Variants in OTUD7A observed in about 807,000 individuals in gnomAD.
OTUD7A encodes OTU deubiquitinase 7A, also known as OTU domain-containing protein 7A.
In OTUD7A, 12 loss-of-function variants were observed where a neutral mutation model predicts 65.7. That is an observed-to-expected ratio of 0.18 (90% CI 0.12 to 0.30). The LOEUF is 0.30. OTUD7A is among the 10% of genes least tolerant of loss of function. The probability of loss-of-function intolerance (pLI) is 1.00; values close to 1 mark genes in which losing one functional copy is unlikely to be tolerated. For synonymous variants in OTUD7A, 641 were observed against 586.3 expected (o/e 1.09, Z -1.35); for missense variants, 1,148 against 1,304.8 (o/e 0.88, Z 1.85).
intron 10 of OTUD7A, 82 bp downstream of exon 10, chr15:31,501,608 C>T: frequency 6.4e-7 from 1 of 1,569,464 alleles, no homozygotes; most frequent in Non-Finnish European, 8.7e-7. Flanking sequence ...CACAATCCAC[C>T]TCCCCGTGCA....
chr15:31,767,708 AT>A (rs1339970769), intron 1 of OTUD7A: 1 of 720,892 alleles, frequency 1.4e-6, no homozygotes, highest in Non-Finnish European at 2.6e-6. Context: ...ATCTTCATTT[AT>A]TATTTCATGT....
intron 1 of OTUD7A, among the ~76,000 whole-genome samples, chr15:31,820,577 G>A (rs899041485): frequency 3.3e-5 from 5 of 152,074 alleles, no homozygotes; most frequent in Non-Finnish European, 5.9e-5. Context: ...CTATCCTCAT[G>A]CATGGATACC....
At chr15:31,591,163 G>A (rs555899890) in intron 3 of OTUD7A, among the ~76,000 whole-genome samples, 40 of 152,042 alleles carry the variant, frequency 2.6e-4, no homozygotes, top group Admixed American at 6.6e-5. Flanking sequence ...AAGGCTCAGA[G>A]GCTTGCAAAA....
intron 3 of OTUD7A, among the ~76,000 whole-genome samples, chr15:31,641,989 C>G (rs191045203): frequency 4.6e-5 from 7 of 152,328 alleles, no homozygotes; most frequent in Admixed American, 4.6e-4. Flanking sequence ...TTATCTCCCT[C>G]TTGATCTTTG....
intron 1 of OTUD7A, among the ~76,000 whole-genome samples, chr15:31,700,697 A>G (rs1893194447): frequency 6.6e-6 from 1 of 151,372 alleles, no homozygotes; most frequent in South Asian, 2.1e-4. Flanking sequence ...GCCACCTGAT[A>G]TCATTCAGTG....
chr15:31,740,551 G>C (rs1229496492), intron 1 of OTUD7A, among the ~76,000 whole-genome samples: 1 of 152,024 alleles, frequency 6.6e-6, no homozygotes, highest in Non-Finnish European at 1.5e-5. Flanking sequence ...GTGGGGGTGA[G>C]ACAAAGTGGT....
At chr15:31,548,944 T>G (rs1888225914) in intron 5 of OTUD7A, among the ~76,000 whole-genome samples, 1 of 152,064 alleles carries the variant, frequency 6.6e-6, no homozygotes, top group Non-Finnish European at 1.5e-5. Flanking sequence ...AAGACCAGAC[T>G]GACCAACATG....
At chr15:31,646,175 C>T (rs559410890) in intron 3 of OTUD7A, among the ~76,000 whole-genome samples, 55 of 152,210 alleles carry the variant, frequency 3.6e-4, no homozygotes, top group African/African-American at 1.3e-3. Context: ...CCACTCAGGA[C>T]AGCTCATCCA....
intron 1 of OTUD7A, among the ~76,000 whole-genome samples, chr15:31,720,397 C>T (rs930709470): frequency 2.0e-5 from 3 of 148,828 alleles, no homozygotes; most frequent in African/African-American, 7.4e-5. Flanking sequence ...GGCACAGTAA[C>T]TTCATTTTTT....
chr15:31,846,067 G>C (rs73382606), intron 1 of OTUD7A, among the ~76,000 whole-genome samples: 1 of 152,190 alleles, frequency 6.6e-6, no homozygotes, highest in Non-Finnish European at 1.5e-5. Flanking sequence ...ACAGGCTCTC[G>C]GGCTTCAAGC....
chr15:31,726,478 G>GA (rs1893892249), intron 1 of OTUD7A, among the ~76,000 whole-genome samples: 1 of 151,920 alleles, frequency 6.6e-6, no homozygotes, highest in South Asian at 2.1e-4. Context: ...AGGAAGGAAG[G>GA]AAAAAAGGAA....
chr15:31,779,807 C>T (rs1328101583), intron 1 of OTUD7A, among the ~76,000 whole-genome samples: 1 of 152,084 alleles, frequency 6.6e-6, no homozygotes, highest in African/African-American at 2.4e-5. Flanking sequence ...GGGTACCATG[C>T]ACCAAGGAAG....
chr15:31,800,392 G>A (rs935105957), intron 1 of OTUD7A, among the ~76,000 whole-genome samples: 3 of 152,154 alleles, frequency 2.0e-5, no homozygotes, highest in African/African-American at 7.2e-5. Context: ...GGGTCCTGGT[G>A]GCCCATGGTC....
At chr15:31,519,947 A>T (rs572535581) in intron 8 of OTUD7A, among the ~76,000 whole-genome samples, 10 of 152,204 alleles carry the variant, frequency 6.6e-5, no homozygotes, top group Non-Finnish European at 1.3e-4. Context: ...GATGTGAAAG[A>T]TCTCTATAAG....
chr15:31,591,773 C>T (rs1021375922), intron 3 of OTUD7A, among the ~76,000 whole-genome samples: 2 of 152,200 alleles, frequency 1.3e-5, no homozygotes, highest in Non-Finnish European at 2.9e-5. Flanking sequence ...TGCCACTTAA[C>T]AATGGAAATA....
intron 1 of OTUD7A, among the ~76,000 whole-genome samples, chr15:31,727,376 T>C (rs540411441): frequency 1.3e-5 from 2 of 152,210 alleles, no homozygotes; most frequent in South Asian, 4.2e-4. Flanking sequence ...CCACATATTG[T>C]AGTTACTGTT....
At chr15:31,508,237 A>G (rs2041613224) in intron 8 of OTUD7A, among the ~76,000 whole-genome samples, 1 of 152,190 alleles carries the variant, frequency 6.6e-6, no homozygotes, top group East Asian at 1.9e-4. Context: ...TCTTGATTTG[A>G]GTATAGTGGG....
intron 5 of OTUD7A, among the ~76,000 whole-genome samples, chr15:31,544,611 C>G (rs542345251): frequency 6.6e-6 from 1 of 151,850 alleles, no homozygotes; most frequent in Non-Finnish European, 1.5e-5. Context: ...TGTAATAATT[C>G]TAAGTGTCTA....
chr15:31,621,258 A>C (rs1595662995), intron 3 of OTUD7A, among the ~76,000 whole-genome samples: 1 of 152,092 alleles, frequency 6.6e-6, no homozygotes, highest in South Asian at 2.1e-4. Context: ...TTTGGGGTGG[A>C]AAGTTCTGTA....
Sources: allele counts gnomAD v4.1 joint callset (sites outside exome capture counted in the v4.1 genomes callset), GRCh38; gene constraint gnomAD v4.1.1; transcripts MANE v1.5; gene names NCBI Gene and HGNC (gene_info 2026-07-23, HGNC 2026-07-21).